Variants in PAK5 observed in about 807,000 individuals in gnomAD.
PAK5 encodes p21 (RAC1) activated kinase 5, also known as serine/threonine-protein kinase PAK 5.
PAK5 carries 16 observed loss-of-function variants against 65.9 expected under a neutral mutation model. The observed-to-expected ratio is 0.24, with a 90% confidence interval of 0.16 to 0.37. The LOEUF is 0.37. Among genes scored for constraint, PAK5 ranks in the 10% least tolerant of loss-of-function variants. PAK5 has a pLI of 1.00. For synonymous variants in PAK5, 371 were observed against 354.9 expected, an observed-to-expected ratio of 1.05 and a Z score of -0.51; for missense variants, 785 against 903.9, an observed-to-expected ratio of 0.87 and a Z score of 1.69.
intron 2 of PAK5, among the ~76,000 whole-genome samples, chr20:9,699,291 T>A (rs933640272): frequency 1.3e-5 from 2 of 152,168 alleles, no homozygotes; most frequent in South Asian, 2.1e-4. Context: ...CAGATTCTCC[T>A]TGTCTCACTT....
rs189028069 is a variant in PAK5, at chr20:9,542,190, C to G, written c.2004+396G>C. On this transcript the variant is annotated intron_variant, in intron 9 of 9. Coordinates refer to ENST00000353224, the MANE Select transcript of PAK5 (RefSeq NM_177990.4). ...TTTGTTTATGGTTTACTATCTGTTT[C>G]CCCAACTAGAATGCAGAGTCTAGAC... 9.1e-4 allele frequency among the ~76,000 whole-genome samples: 139 copies of G among 152,234 alleles called. 1 individual carries two copies. Among genetic ancestry groups the G allele is most frequent in the African/African-American group, 3.2e-3 (132 of 41,550 alleles).
At chr20:9,754,375 G>C (rs185152983) in intron 1 of PAK5, among the ~76,000 whole-genome samples, 1 of 152,022 alleles carries the variant, frequency 6.6e-6, no homozygotes, top group Non-Finnish European at 1.5e-5. Flanking sequence ...CTGATTGGTC[G>C]GGTCAGAGAT....
intron 1 of PAK5, among the ~76,000 whole-genome samples, chr20:9,808,291 T>C (rs994111195): frequency 6.6e-6 from 1 of 152,178 alleles, no homozygotes; most frequent in Non-Finnish European, 1.5e-5. Flanking sequence ...CAAAAAAGTA[T>C]GTGAAAATAA....
At chr20:9,681,387 T>C (rs1195751666) in intron 2 of PAK5, among the ~76,000 whole-genome samples, 1 of 152,178 alleles carries the variant, frequency 6.6e-6, no homozygotes, top group Admixed American at 6.5e-5. Context: ...TCATATTTAA[T>C]GTAATATAGA....
chr20:9,666,304 A>G (rs1020970184), intron 2 of PAK5, among the ~76,000 whole-genome samples: 5 of 151,986 alleles, frequency 3.3e-5, no homozygotes, highest in African/African-American at 1.2e-4. Context: ...CCACAGGAAG[A>G]CACTAATAGC....
At chr20:9,561,949 A>G (rs1011195720) in intron 6 of PAK5, among the ~76,000 whole-genome samples, 32 of 152,204 alleles carry the variant, frequency 2.1e-4, no homozygotes, top group African/African-American at 7.2e-4. Context: ...CACCCTCTCT[A>G]TTGAGTCAGG....
chr20:9,833,747 G>A (rs551018421), intron 1 of PAK5, among the ~76,000 whole-genome samples: 2 of 152,100 alleles, frequency 1.3e-5, no homozygotes, highest in Non-Finnish European at 2.9e-5. Context: ...AAAAATAACC[G>A]TTTCATAATA....
chr20:9,600,504 T>C (rs1486236466), intron 3 of PAK5, among the ~76,000 whole-genome samples: 1 of 152,264 alleles, frequency 6.6e-6, no homozygotes, highest in East Asian at 1.9e-4. Context: ...CATTTATTTA[T>C]GTCTTCTTTC....
rs528919046 is a variant in PAK5, at chr20:9,587,143, C to T, written c.205-6213G>A. ...TTAACTATTGGCCAGGGCGGGGTGGCGGGCTGCAGTGGTAAATTTTACTTT... is the reference window on the plus strand; with the variant it reads ...TTAACTATTGGCCAGGGCGGGGTGGTGGGCTGCAGTGGTAAATTTTACTTT... On this transcript the variant is annotated intron_variant, in intron 3 of 9. Coordinates refer to ENST00000353224, the MANE Select transcript of PAK5 (RefSeq NM_177990.4). 5.9e-5 allele frequency among the ~76,000 whole-genome samples: 9 copies of T among 151,818 alleles called. No individual in the cohort carries two copies. The South Asian group carries it at 1.0e-3, about 18-fold the overall frequency.
At chr20:9,550,247 G>A (rs1244053516) in intron 7 of PAK5, among the ~76,000 whole-genome samples, 3 of 152,108 alleles carry the variant, frequency 2.0e-5, no homozygotes, top group Non-Finnish European at 4.4e-5. Flanking sequence ...AGCCTGTAGG[G>A]CACCTTTTCA....
Position 9,799,447 on chromosome 20 carries a change from T to C in PAK5, c.-162+39315A>G, listed in dbSNP as rs1038636221. ...ATGTAAGAAAAGGACCAGAAGAGTT[T>C]TAACTGGAACATGCAACAAGTCTAT... On this transcript the variant is annotated intron_variant, in intron 1 of 9. Transcript: ENST00000353224. 2.6e-5 allele frequency among the ~76,000 whole-genome samples: 4 copies of C among 152,122 alleles called. No individual in the cohort carries two copies. The South Asian group carries it at 8.3e-4, about 31-fold the overall frequency.
At chr20:9,834,023 A>G (rs901498606) in intron 1 of PAK5, among the ~76,000 whole-genome samples, 1 of 152,200 alleles carries the variant, frequency 6.6e-6, no homozygotes, top group African/African-American at 2.4e-5. Context: ...TTATAACCAA[A>G]AACATTACTG....
rs1405682445 is a variant in PAK5, at chr20:9,673,276, A to G, written c.-11-28937T>C. 3.9e-5 allele frequency among the ~76,000 whole-genome samples: 6 copies of G among 152,306 alleles called. No homozygotes were observed. The East Asian group carries it at 1.2e-3, about 29-fold the overall frequency. On this transcript the variant is annotated intron_variant, in intron 2 of 9. Coordinates refer to ENST00000353224, the MANE Select transcript of PAK5 (RefSeq NM_177990.4). ...TATCATATTTACTGGAAAAGAAAAA[A>G]AAAGAATTAAAAAAGAAATGAATCT... is the stretch of plus-strand genomic sequence containing the variant.
rs190106847 is a variant in PAK5 at position 9,562,603 on chromosome 20, C to T, written c.1616+288G>A. On this transcript the variant is annotated intron_variant, in intron 6 of 9. Coordinates refer to ENST00000353224, the MANE Select transcript of PAK5 (RefSeq NM_177990.4). The stretch of plus-strand genomic sequence containing the variant: ...ATTCAGCTTTAGAAATCTATATAGG[C>T]GACAGGACATTCTATTATTTGTCAC... Among the ~76,000 whole-genome samples the T allele has an allele frequency of 9.2e-5, 14 of 152,216 alleles. No homozygotes were observed. In the East Asian group the frequency reaches 1.7e-3, roughly 19 times the overall value.
intron 4 of PAK5, among the ~76,000 whole-genome samples, chr20:9,568,310 G>A (rs930057942): frequency 6.6e-6 from 1 of 152,128 alleles, no homozygotes; most frequent in Non-Finnish European, 1.5e-5. Flanking sequence ...GGTGAGAAAT[G>A]GTGAAATCTA....
chr20:9,621,118 GGAAATAGGCA>G, intron 3 of PAK5, among the ~76,000 whole-genome samples: 1 of 152,118 alleles, frequency 6.6e-6, no homozygotes, highest in South Asian at 2.1e-4. Flanking sequence ...GAGAGTGTCT[GGAAATAGGCA>G]ATTCAAAGCA....
chr20:9,590,174 T>C (rs1426660938), intron 3 of PAK5, among the ~76,000 whole-genome samples: 4 of 152,122 alleles, frequency 2.6e-5, no homozygotes, highest in Non-Finnish European at 5.9e-5. Flanking sequence ...TCTCATTATG[T>C]TGCCCAGGGT....
chr20:9,767,015 G>A (rs1430480591), intron 1 of PAK5, among the ~76,000 whole-genome samples: 1 of 151,884 alleles, frequency 6.6e-6, no homozygotes, highest in East Asian at 1.9e-4. Flanking sequence ...CCTGACCATG[G>A]CCCCCACGTT....
intron 1 of PAK5, among the ~76,000 whole-genome samples, chr20:9,804,251 A>C (rs1195048305): frequency 2.0e-5 from 3 of 152,232 alleles, no homozygotes; most frequent in Admixed American, 6.5e-5. Context: ...GGTAGTGCTT[A>C]TGATAAAATA....
Sources: allele counts gnomAD v4.1 joint callset (sites outside exome capture counted in the v4.1 genomes callset), GRCh38; gene constraint gnomAD v4.1.1; transcripts MANE v1.5; gene names NCBI Gene and HGNC (gene_info 2026-07-23, HGNC 2026-07-21).